The following COL6A5 variants were observed in gnomAD, a reference collection of about 807,000 sequenced individuals.
COL6A5 encodes collagen type VI alpha 5 chain.
Under a neutral mutation model 65.6 loss-of-function variants are expected in COL6A5, and 48 were observed. The ratio of observed to expected loss-of-function variants is 0.73; its 90% CI spans 0.58 to 0.93. The LOEUF is 0.93. Among genes scored for constraint, COL6A5 ranks in the 40% least tolerant of loss-of-function variants. COL6A5 has a pLI of 0.00. For synonymous variants in COL6A5, 291 were observed against 322.8 expected (o/e 0.90, Z 1.05); for missense variants, 914 against 928.3 (o/e 0.98, Z 0.20).
chr3:130,357,292 A>G (rs1934957498), intron 1 of COL6A5, among the ~76,000 whole-genome samples: 1 of 152,224 alleles, frequency 6.6e-6, no homozygotes. Flanking sequence ...GCAACAGAAA[A>G]TCTAAGTGGC....
intron 6 of COL6A5, among the ~76,000 whole-genome samples, chr3:130,469,996 A>G (rs148875934): frequency 1.3e-5 from 2 of 152,184 alleles, no homozygotes; most frequent in Non-Finnish European, 2.9e-5. Context: ...TGTAATAAAT[A>G]ATATCACACT....
intron 11 of COL6A5, 44 bp downstream of exon 11, chr3:130,401,217 G>A: frequency 3.4e-6 from 5 of 1,483,156 alleles, no homozygotes; most frequent in Non-Finnish European, 4.5e-6. Flanking sequence ...AATGCCATGG[G>A]AACTAAATTG....
chr3:130,465,765 A>G (rs918258607), intron 5 of COL6A5, among the ~76,000 whole-genome samples: 1 of 152,114 alleles, frequency 6.6e-6, no homozygotes, highest in African/African-American at 2.4e-5. Context: ...CAACGGACAC[A>G]GATGTTAGAA....
chr3:130,357,756 G>T (rs1203663755), intron 1 of COL6A5, among the ~76,000 whole-genome samples: 2 of 152,096 alleles, frequency 1.3e-5, no homozygotes, highest in East Asian at 3.8e-4. Context: ...AAGGTATTCG[G>T]CAAGGTAAAA....
chr3:130,395,806 A>T (rs567146259), intron 8 of COL6A5, among the ~76,000 whole-genome samples: 1 of 152,296 alleles, frequency 6.6e-6, no homozygotes, highest in South Asian at 2.1e-4. Context: ...CCCTGCATCC[A>T]GTAGGAAGTA....
intron 4 of COL6A5, among the ~76,000 whole-genome samples, chr3:130,449,919 C>T (rs1709393981): frequency 6.6e-6 from 1 of 152,118 alleles, no homozygotes; most frequent in Admixed American, 6.5e-5. Context: ...CTACCTAACA[C>T]CAGGCCCACC....
intron 1 of COL6A5, among the ~76,000 whole-genome samples, chr3:130,360,170 C>T (rs958959052): frequency 2.0e-5 from 3 of 152,024 alleles, no homozygotes; most frequent in African/African-American, 4.8e-5. Context: ...CATGCTCTTC[C>T]TAGACATCAA....
chr3:130,474,329 A>T (rs186998551), intron 7 of COL6A5, among the ~76,000 whole-genome samples: 44 of 152,248 alleles, frequency 2.9e-4, no homozygotes, highest in Admixed American at 2.2e-3. Flanking sequence ...GCCTGCTAAA[A>T]CAAAAATATT....
chr3:130,407,211 C>T (rs2107670465), intron 17 of COL6A5, among the ~76,000 whole-genome samples: 1 of 152,202 alleles, frequency 6.6e-6, no homozygotes. Flanking sequence ...CATGAGGGTT[C>T]AGGGCACTGC....
chr3:130,416,332 C>G lies in COL6A5; in HGVS notation c.4825-425C>G, dbSNP rs750058550. ...TCTGATAATATGTGTGTGAAAGACA[C>G]GTCTGCCCATTTTTTTATTGGGAAG... On this transcript the variant is annotated intron_variant and NMD_transcript_variant, in intron 23 of 41. Coordinates refer to the COL6A5 transcript ENST00000312481. Among the ~76,000 whole-genome samples, 3 of 152,214 alleles carry G rather than the reference C, an allele frequency of 2.0e-5. No individual in the cohort carries two copies. The East Asian group carries it at 5.8e-4, about 29-fold the overall frequency.
Position 130,453,708 on chromosome 3 carries a change from A to G in COL6A5, c.1333-1747A>G, listed in dbSNP as rs115501549. On this transcript the variant is annotated intron_variant, in intron 4 of 7. Transcript: ENST00000512836. ...CTTTTCTGTGTGCTTCTTCGAGCTT[A>G]GATCCCTGACTATAGCCTGTGAAAG... is the stretch of plus-strand genomic sequence containing the variant. 1.9e-3 allele frequency among the ~76,000 whole-genome samples: 294 copies of G among 152,266 alleles called. 2 individuals are homozygous for G. Among genetic ancestry groups the G allele is most frequent in the African/African-American group, 6.4e-3 (265 of 41,586 alleles).
At chr3:130,448,935 G>A (rs1202137272) in intron 4 of COL6A5, among the ~76,000 whole-genome samples, 9 of 152,156 alleles carry the variant, frequency 5.9e-5, no homozygotes, top group Admixed American at 3.9e-4. Context: ...TATTAAAGCA[G>A]GGGCAGGTAT....
chr3:130,431,153 G>T, upstream of COL6A5: 1 of 638,386 alleles, frequency 1.6e-6, no homozygotes, highest in Non-Finnish European at 2.8e-6. Flanking sequence ...CACTATCCCA[G>T]TCAGGACACA....
chr3:130,410,048 G>A (rs779524488), exon 19 of COL6A5: 27 of 1,549,734 alleles, frequency 1.7e-5, no homozygotes, highest in Non-Finnish European at 2.2e-5. Flanking sequence ...AGGACAAAAG[G>A]GCTCCAAAGG....
upstream of COL6A5, among the ~76,000 whole-genome samples, chr3:130,426,765 C>T (rs1020801628): frequency 3.3e-5 from 5 of 150,654 alleles, no homozygotes; most frequent in East Asian, 2.0e-4. Context: ...TGGGACTAGT[C>T]GGTTACTCAG....
At chr3:130,375,545 T>C (rs552320468) in intron 2 of COL6A5, among the ~76,000 whole-genome samples, 1 of 152,236 alleles carries the variant, frequency 6.6e-6, no homozygotes, top group East Asian at 1.9e-4. Context: ...CCTGAGACAA[T>C]TGCTTACTCT....
At chr3:130,448,507 G>A (rs1321118406) in intron 4 of COL6A5, among the ~76,000 whole-genome samples, 1 of 152,116 alleles carries the variant, frequency 6.6e-6, no homozygotes, top group African/African-American at 2.4e-5. Flanking sequence ...ATCTTTTGAG[G>A]TCGAATGCAT....
intron 7 of COL6A5, chr3:130,471,840 C>T (rs1380055041): frequency 6.5e-7 from 1 of 1,533,340 alleles, no homozygotes; most frequent in East Asian, 2.5e-5. Context: ...CTCTTTTCAA[C>T]TGAGAAACTG....
intron 7 of COL6A5, among the ~76,000 whole-genome samples, chr3:130,473,035 A>G (rs1314221127): frequency 6.6e-6 from 1 of 150,960 alleles, no homozygotes; most frequent in African/African-American, 2.4e-5. Flanking sequence ...GGAAAAATAC[A>G]GACAAAAAGA....
Sources: gnomAD v4.1 joint callset for allele counts (sites outside exome capture counted in the v4.1 genomes callset) on GRCh38, gnomAD v4.1.1 for gene constraint, MANE v1.5 for transcripts, NCBI Gene and HGNC (gene_info 2026-07-23, HGNC 2026-07-21) for gene names.